SIN3A: variants seen among roughly 807,000 people sequenced by gnomAD.
SIN3A encodes the protein SIN3 transcription regulator family member A.
A neutral mutation model predicts 146.1 loss-of-function variants in SIN3A; 14 were observed. That is an observed-to-expected ratio of 0.10 (90% CI 0.06 to 0.15). The LOEUF is 0.15. Among genes scored for constraint, SIN3A ranks in the 10% least tolerant of loss-of-function variants. SIN3A has a pLI of 1.00. For synonymous variants in SIN3A, 572 were observed against 572.0 expected (o/e 1.00, Z 0.00); for missense variants, 1,028 against 1,576.0 (o/e 0.65, Z 5.89).
At chr15:75,447,972 G>C (rs553501670) in intron 1 of SIN3A, 2 of 152,216 alleles carry the variant, frequency 1.3e-5, no homozygotes, top group African/African-American at 2.4e-5. Context: ...CCAGGAGTTC[G>C]AGACCAGCCT....
At chr15:75,449,943 C>A (rs1310411329) in intron 1 of SIN3A, among the ~76,000 whole-genome samples, 1 of 151,842 alleles carries the variant, frequency 6.6e-6, no homozygotes, top group African/African-American at 2.4e-5. Flanking sequence ...CCACGCCCAG[C>A]TTTTTTTTGT....
intron 2 of SIN3A, among the ~76,000 whole-genome samples, chr15:75,425,999 C>T (rs1357494380): frequency 6.6e-6 from 1 of 152,184 alleles, no homozygotes; most frequent in African/African-American, 2.4e-5. Flanking sequence ...ATTCTAAAAG[C>T]TCTAATGTAC....
intron 18 of SIN3A, chr15:75,380,996 C>T (rs2072953796): frequency 7.2e-6 from 2 of 276,060 alleles, no homozygotes; most frequent in African/African-American, 4.3e-5. Flanking sequence ...GTTTCATTTC[C>T]CCACAGAGCA....
chr15:75,401,244 C>A (rs576421172), intron 10 of SIN3A, among the ~76,000 whole-genome samples: 1 of 152,190 alleles, frequency 6.6e-6, no homozygotes, highest in East Asian at 1.9e-4. Context: ...GTAAAGATTC[C>A]AGACTCGGTG....
At chr15:75,439,664 C>T (rs1398757975) in intron 1 of SIN3A, among the ~76,000 whole-genome samples, 1 of 151,938 alleles carries the variant, frequency 6.6e-6, no homozygotes, top group Non-Finnish European at 1.5e-5. Flanking sequence ...TCTTTTACGG[C>T]ATATGATACA....
At chr15:75,413,212 C>A (rs1595908820) in intron 4 of SIN3A, among the ~76,000 whole-genome samples, 167 bp from the exon 5 acceptor site, 2 of 152,098 alleles carry the variant, frequency 1.3e-5, no homozygotes, top group South Asian at 2.1e-4. Context: ...CCTCCACCTC[C>A]CGAGTTCAAG....
intron 1 of SIN3A, among the ~76,000 whole-genome samples, chr15:75,440,064 T>C (rs556776248): frequency 1.8e-3 from 273 of 151,404 alleles, no homozygotes; most frequent in African/African-American, 6.3e-3. Context: ...GGCAGGAGAA[T>C]TGCTTGAACC....
chr15:75,400,943 G>A lies in SIN3A; in HGVS notation c.1527-3C>T. The A allele has an allele frequency of 6.2e-7, 1 of 1,609,898 alleles. No individual in the cohort carries two copies. The highest frequency in any genetic ancestry group is 2.2e-5 in the East Asian group (1 of 44,872). ...AATTAAACAACTCAGGGAATTTCCT[G>A]AAGAATCAAACCAAAAAGTGACAAG... is the stretch of plus-strand genomic sequence containing the variant. On this transcript the variant is annotated splice_region_variant and splice_polypyrimidine_tract_variant and intron_variant, in intron 10 of 20. Coordinates refer to ENST00000394947, the MANE Select transcript of SIN3A (RefSeq NM_001145358.2).
intron 4 of SIN3A, 61 bp downstream of exon 4, chr15:75,414,144 C>T (rs1192170308): frequency 1.2e-6 from 1 of 814,416 alleles, no homozygotes; most frequent in Non-Finnish European, 1.8e-6. Context: ...AAACTATATC[C>T]TCTTCCTTCC....
chr15:75,436,661 T>C (rs2074113002), intron 1 of SIN3A, among the ~76,000 whole-genome samples: 5 of 152,098 alleles, frequency 3.3e-5, no homozygotes, highest in Admixed American at 1.3e-4. Flanking sequence ...TGTATATGGG[T>C]GTTCATTATA....
chr15:75,398,537 G>T (rs957606994), intron 12 of SIN3A, among the ~76,000 whole-genome samples: 1 of 152,088 alleles, frequency 6.6e-6, no homozygotes, highest in East Asian at 1.9e-4. Flanking sequence ...AATTAGCCGG[G>T]TGTAGCGGCA....
Position 75,430,205 on chromosome 15 carries a change from A to G in SIN3A, c.171T>C (p.Ser57=). The G allele has an allele frequency of 6.2e-7, 1 of 1,614,074 alleles. No homozygotes were observed. Among genetic ancestry groups the G allele is most frequent in the Non-Finnish European group, 8.5e-7 (1 of 1,179,938 alleles). ...AGCTTACCTGGTAGCTGGGTGTTAC[A>G]GAGTACTGAATTCCCGTAGCTGACT... ...TMQSATGIQY[S]VTPSYQVSAM... is the part of the protein sequence containing the mutation. The change falls in exon 2 of 21, where the codon TCT becomes TCC. Residue 57 remains serine, a synonymous_variant. Coordinates refer to ENST00000394947, the MANE Select transcript of SIN3A (RefSeq NM_001145358.2).
intron 16 of SIN3A, 97 bp from the exon 17 acceptor site, chr15:75,384,534 G>GAAAAACCTTTTTGGA: frequency 4.9e-6 from 1 of 202,304 alleles, no homozygotes; most frequent in Non-Finnish European, 7.4e-6. Flanking sequence ...ACTCCAAAAA[G>GAAAAACCTTTTTGGA]GTTTTTCTTT....
chr15:75,444,716 C>CA (rs1294825476), intron 1 of SIN3A, among the ~76,000 whole-genome samples: 6 of 152,210 alleles, frequency 3.9e-5, no homozygotes, highest in Admixed American at 1.3e-4. Context: ...GTTACCCAGA[C>CA]ATTTCTTACT....
chr15:75,414,316 G>C lies in SIN3A; in HGVS notation c.367-5C>G, dbSNP rs778582318. 2.8e-6 allele frequency: 4 copies of C among 1,450,704 alleles called. No individual in the cohort carries two copies. Among genetic ancestry groups the C allele is most frequent in the Non-Finnish European group, 2.8e-6 (3 of 1,077,536 alleles). 89.9% of individuals were successfully genotyped at this position (1,450,704 alleles called of 1,614,324 possible). A position where few individuals can be genotyped will look rare whatever the true frequency, so the allele number is the denominator to read the frequency against. On this transcript the variant is annotated splice_polypyrimidine_tract_variant and splice_region_variant and intron_variant, in intron 3 of 20. Coordinates refer to ENST00000394947, the MANE Select transcript of SIN3A (RefSeq NM_001145358.2). ...ATAAGATAGCGCATCCTCCACCTGAGGCAGGGATAAATATCAAGGTTATAA... is the reference window on the plus strand; with the variant it reads ...ATAAGATAGCGCATCCTCCACCTGACGCAGGGATAAATATCAAGGTTATAA...
chr15:75,442,587 T>C (rs1567425367), intron 1 of SIN3A, among the ~76,000 whole-genome samples: 1 of 141,288 alleles, frequency 7.1e-6, no homozygotes, highest in Non-Finnish European at 1.5e-5. Context: ...AAATCCAGCC[T>C]GGGCAACATA....
chr15:75,386,270 C>T (rs1178677343), intron 16 of SIN3A, among the ~76,000 whole-genome samples: 1 of 152,218 alleles, frequency 6.6e-6, no homozygotes, highest in African/African-American at 2.4e-5. Flanking sequence ...TCAAGTGATC[C>T]ACCCGCCTTG....
chr15:75,391,502 T>TAAAAAA (rs35832447), intron 15 of SIN3A, among the ~76,000 whole-genome samples: 1 of 129,612 alleles, frequency 7.7e-6, no homozygotes, highest in African/African-American at 2.7e-5. Flanking sequence ...CAGCAACACA[T>TAAAAAA]AAAAAAAAAA....
chr15:75,383,688 C>T (rs1358659408), intron 17 of SIN3A, among the ~76,000 whole-genome samples: 2 of 152,098 alleles, frequency 1.3e-5, no homozygotes, highest in East Asian at 3.9e-4. Flanking sequence ...ACCACTACGC[C>T]CGGCTAATTT....
Sources: allele counts gnomAD v4.1 joint callset (sites outside exome capture counted in the v4.1 genomes callset), GRCh38; gene constraint gnomAD v4.1.1; transcripts MANE v1.5; gene names NCBI Gene and HGNC (gene_info 2026-07-23, HGNC 2026-07-21).